PTPRT: variants seen among roughly 807,000 people sequenced by gnomAD.
PTPRT encodes the protein protein tyrosine phosphatase receptor type T.
In PTPRT, 56 loss-of-function variants were observed where a neutral mutation model predicts 176.8. That is an observed-to-expected ratio of 0.32 (90% confidence interval 0.26 to 0.40). The LOEUF is 0.40. Ranked by LOEUF, PTPRT falls within the 10% of genes least tolerant of loss-of-function variation. The pLI, the probability that PTPRT is intolerant of heterozygous loss-of-function variation, is 1.00. For synonymous variants in PTPRT, 783 were observed against 739.0 expected, an observed-to-expected ratio of 1.06 and a Z score of -0.96; for missense variants, 1,540 against 1,908.2, an observed-to-expected ratio of 0.81 and a Z score of 3.60.
At chr20:42,035,590 C>G in the PTPRT span, among the ~76,000 whole-genome samples, 1 of 152,110 alleles carries the variant, frequency 6.6e-6, no homozygotes, top group Admixed American at 6.5e-5. Flanking sequence ...CTGTCTCTGA[C>G]ACAGCCCCCA....
chr20:42,465,188 A>G (rs1166439430), intron 8 of PTPRT, among the ~76,000 whole-genome samples: 1 of 151,988 alleles, frequency 6.6e-6, no homozygotes, highest in African/African-American at 2.4e-5. Context: ...TTCAGATTAA[A>G]TGAATCTACA....
chr20:43,088,529 C>G (rs1449800332), intron 1 of PTPRT, among the ~76,000 whole-genome samples: 2 of 152,132 alleles, frequency 1.3e-5, no homozygotes, highest in African/African-American at 4.8e-5. Flanking sequence ...CTTCTAAACA[C>G]CATCAGGAAA....
At chr20:42,192,997 C>T (rs1991058870) in intron 16 of PTPRT, among the ~76,000 whole-genome samples, 2 of 152,196 alleles carry the variant, frequency 1.3e-5, no homozygotes, top group South Asian at 2.1e-4. Flanking sequence ...GTCTATTTCA[C>T]CTTGATTTCC....
chr20:42,576,359 C>T (rs1341193960), intron 7 of PTPRT, among the ~76,000 whole-genome samples: 2 of 152,198 alleles, frequency 1.3e-5, no homozygotes, highest in African/African-American at 2.4e-5. Flanking sequence ...GGAAGGGAGT[C>T]GTGTTCAGCA....
chr20:43,122,777 C>T (rs2013312775), intron 1 of PTPRT, among the ~76,000 whole-genome samples: 1 of 152,208 alleles, frequency 6.6e-6, no homozygotes, highest in Non-Finnish European at 1.5e-5. Context: ...TCCTGTACAG[C>T]CTGTATAACT....
At chr20:42,081,751 C>T (rs991059213) in intron 30 of PTPRT, 131 bp downstream of exon 30, 1 of 1,239,156 alleles carries the variant, frequency 8.1e-7, no homozygotes, top group Non-Finnish European at 1.2e-6. Flanking sequence ...ACAGTGCATA[C>T]CAAGGGCACA....
intron 7 of PTPRT, among the ~76,000 whole-genome samples, chr20:42,532,800 TG>T (rs2072407679): frequency 6.6e-6 from 1 of 152,140 alleles, no homozygotes; most frequent in Non-Finnish European, 1.5e-5. Flanking sequence ...TGACCAGTCA[TG>T]GGCTCCAGGT....
At chr20:43,126,223 T>C (rs1197934777) in intron 1 of PTPRT, among the ~76,000 whole-genome samples, 2 of 151,966 alleles carry the variant, frequency 1.3e-5, no homozygotes, top group African/African-American at 4.8e-5. Flanking sequence ...TGATGGTGGG[T>C]GCCTGTAATC....
At chr20:42,445,147 G>A (rs1014253115) in intron 9 of PTPRT, among the ~76,000 whole-genome samples, 6 of 152,154 alleles carry the variant, frequency 3.9e-5, no homozygotes, top group African/African-American at 1.4e-4. Flanking sequence ...TGCAGAAAGG[G>A]GCAAGACATC....
At chr20:42,290,026 G>A (rs1213750372) in intron 12 of PTPRT, among the ~76,000 whole-genome samples, 3 of 151,972 alleles carry the variant, frequency 2.0e-5, no homozygotes, top group Non-Finnish European at 4.4e-5. Flanking sequence ...TGACTAGATT[G>A]TCAGCAAGCA....
chr20:42,506,724 G>GA (rs200344520), intron 7 of PTPRT, among the ~76,000 whole-genome samples: 119 of 151,670 alleles, frequency 7.8e-4, no homozygotes, highest in East Asian at 1.9e-3. Flanking sequence ...TTATTTATGT[G>GA]AAAAAAAACA....
chr20:42,497,396 G>A (rs2071673919), intron 7 of PTPRT, among the ~76,000 whole-genome samples: 1 of 151,672 alleles, frequency 6.6e-6, no homozygotes, highest in African/African-American at 2.4e-5. Flanking sequence ...GGCATCTGGG[G>A]TATTGTCTGC....
chr20:42,697,542 A>T (rs1569092381), intron 6 of PTPRT, among the ~76,000 whole-genome samples: 1 of 152,244 alleles, frequency 6.6e-6, no homozygotes, highest in Non-Finnish European at 1.5e-5. Context: ...GGAACTCAAT[A>T]CAAAACAGAC....
At chr20:42,504,096 C>T (rs1300755776) in intron 7 of PTPRT, among the ~76,000 whole-genome samples, 3 of 152,128 alleles carry the variant, frequency 2.0e-5, no homozygotes, top group East Asian at 1.9e-4. Context: ...AGAATATAAG[C>T]TTCAGGGGAA....
At chr20:42,731,192 G>A (rs1008241936) in intron 6 of PTPRT, among the ~76,000 whole-genome samples, 5 of 152,136 alleles carry the variant, frequency 3.3e-5, no homozygotes, top group East Asian at 1.9e-4. Context: ...ATGGTTCCAC[G>A]AGCCAGCTGC....
chr20:42,727,899 C>T (rs1035223517), intron 6 of PTPRT, among the ~76,000 whole-genome samples: 5 of 152,118 alleles, frequency 3.3e-5, no homozygotes, highest in African/African-American at 1.2e-4. Flanking sequence ...GCATCTCCAA[C>T]CACCCTTCTT....
intron 7 of PTPRT, among the ~76,000 whole-genome samples, chr20:42,616,538 A>G (rs1353181503): frequency 6.3e-5 from 8 of 127,132 alleles, no homozygotes; most frequent in Admixed American, 6.0e-4. Context: ...CAGTATGGCC[A>G]TTTTCACAAT....
intron 1 of PTPRT, among the ~76,000 whole-genome samples, chr20:42,948,789 A>G (rs576662821): frequency 1.3e-5 from 2 of 152,212 alleles, no homozygotes; most frequent in Admixed American, 6.5e-5. Context: ...GTTGGAGTCT[A>G]TCATGGATAA....
chr20:42,620,736 C>T (rs986086948), intron 7 of PTPRT, among the ~76,000 whole-genome samples: 4 of 152,172 alleles, frequency 2.6e-5, no homozygotes, highest in Non-Finnish European at 5.9e-5. Flanking sequence ...TCTTTGACTT[C>T]GAAAGGGAAC....
Sources: allele counts gnomAD v4.1 joint callset (sites outside exome capture counted in the v4.1 genomes callset), GRCh38; gene constraint gnomAD v4.1.1; transcripts MANE v1.5; gene names NCBI Gene and HGNC (gene_info 2026-07-23, HGNC 2026-07-21).